Variants in ERBB2 observed in about 807,000 individuals in gnomAD.
ERBB2 encodes receptor tyrosine-protein kinase erbB-2.
A neutral mutation model predicts 149.0 loss-of-function variants in ERBB2; 61 were observed. That is an observed-to-expected ratio of 0.41 (90% CI 0.33 to 0.51). The LOEUF (loss-of-function observed/expected upper bound fraction) is 0.51, where lower values mean the gene tolerates loss of function less well. ERBB2 is among the 20% of genes least tolerant of loss of function. ERBB2 has a pLI of 0.25. For synonymous variants in ERBB2, 633 were observed against 678.8 expected (o/e 0.93, Z 1.05); for missense variants, 1,205 against 1,655.1 (o/e 0.73, Z 4.72).
chr17:39,691,928 C>CATAT (rs1459402681), upstream of ERBB2, among the ~76,000 whole-genome samples: 49 of 93,630 alleles, frequency 5.2e-4, no homozygotes, highest in African/African-American at 1.4e-3. Context: ...TATACATATA[C>CATAT]ATATACATAT....
At chr17:39,688,918 G>T (rs1190314493) in intron 2 of ERBB2, 2 of 152,328 alleles carry the variant, frequency 1.3e-5, no homozygotes, top group African/African-American at 4.8e-5. Flanking sequence ...CACTGAGATC[G>T]GAGAGAAGTA....
rs781244335 is a variant in ERBB2, at chr17:39,723,464, C to G, written c.2085+7C>G. On this transcript the variant is annotated splice_region_variant and intron_variant, in intron 17 of 26. Transcript: ENST00000269571. The surrounding 1 kb of genome is among the most constrained non-coding windows in gnomAD (Gnocchi z 6.2). ...ACTGCTGCAGGAAACGGAGGTGAGG[C>G]GGGGTGAAGTCCTCCCAGCCCGCGT... The G allele has an allele frequency of 8.1e-6, 13 of 1,613,796 alleles. No individual in the cohort carries two copies. The highest frequency in any genetic ancestry group is 1.3e-5 in the African/African-American group (1 of 74,920).
At chr17:39,709,482 C>T (rs1018706185) in intron 4 of ERBB2, 30 bp downstream of exon 4, 7 of 1,612,902 alleles carry the variant, frequency 4.3e-6, no homozygotes, top group Non-Finnish European at 5.9e-6. Flanking sequence ...GCTGCCTCTT[C>T]TCTCAGACAG....
rs2059350950 is a variant in ERBB2 at position 39,719,831 on chromosome 17, C to T, written c.1943C>T (p.Ala648Val). ...AAGGGCTGCCCCGCCGAGCAGAGAG[C>T]CAGGTTGGCCTGGACCCCAGGATGT... is the stretch of plus-strand genomic sequence containing the variant. ...DDKGCPAEQR[A>V]SPLTSIISAV... Residue 648 changes from alanine to valine, a missense_variant, in exon 16 of 27, where the codon GCC becomes GTC. Physicochemically the swap from Ala to Val is moderately conservative, Grantham distance 64. This residue lies in a region of ERBB2 where 569 missense variants were observed against 803.5 expected (regional missense o/e 0.71). Transcript: ENST00000269571. 1.9e-6 allele frequency: 3 copies of T among 1,614,090 alleles called. No individual in the cohort carries two copies. Among genetic ancestry groups the T allele is most frequent in the Middle Eastern group, 1.7e-4 (1 of 6,060 alleles).
rs180932932 is a variant in ERBB2, at chr17:39,717,637, A to G, written c.1898+157A>G. The G allele has an allele frequency of 1.3e-5, 8 of 600,522 alleles. No homozygotes were observed. In the East Asian group the frequency reaches 2.0e-4, roughly 15 times the overall value. 37.2% of individuals were successfully genotyped at this position (600,522 alleles called of 1,614,324 possible). ...TAAAATTGTAAAATTAAAACATGAA[A>G]TATAAATTAATGCCCTAGCAGTTCT... is the stretch of plus-strand genomic sequence containing the variant. On this transcript the variant is annotated intron_variant, in intron 15 of 26. Coordinates refer to ENST00000269571, the MANE Select transcript of ERBB2 (RefSeq NM_004448.4).
chr17:39,705,218 C>G (rs1014150122), intron 1 of ERBB2, among the ~76,000 whole-genome samples: 1 of 152,118 alleles, frequency 6.6e-6, no homozygotes, highest in Non-Finnish European at 1.5e-5. Flanking sequence ...TGTTGTTTTC[C>G]TATTGCCTGG....
At chr17:39,711,480 T>C (rs997000224) in intron 7 of ERBB2, among the ~76,000 whole-genome samples, 4 of 152,202 alleles carry the variant, frequency 2.6e-5, no homozygotes, top group African/African-American at 9.6e-5. Flanking sequence ...GCATGAGCCA[T>C]CGTGCCTGGC....
Position 39,723,887 on chromosome 17 carries a change from C to A in ERBB2, c.2209-25C>A, listed in dbSNP as rs1341798964. 6.3e-7 allele frequency: 1 copy of A among 1,591,250 alleles called. No homozygotes were observed. The highest frequency in any genetic ancestry group is 8.6e-7 in the Non-Finnish European group (1 of 1,159,394). On this transcript the variant is annotated intron_variant, in intron 18 of 26. Transcript: ENST00000269571. The surrounding 1 kb of genome is among the most constrained non-coding windows in gnomAD (Gnocchi z 6.2). ...TAGGATCCAGCCCACGCTCTTCTCA[C>A]TCATATCCTCCTCTTTCTGCCCAGG...
At chr17:39,699,531 T>A (rs147763459), upstream of ERBB2, 1 of 1,534,978 alleles carries the variant, frequency 6.5e-7, no homozygotes, top group East Asian at 2.4e-5. Flanking sequence ...AGATCATGCT[T>A]TTCAGATACT....
rs890002930 is a variant in ERBB2, at chr17:39,709,174, C to G, written c.440-144C>G. Reference sequence around the variant, plus strand: ...GTGTGGTGGTGGTGGGACTCAAAGACGGTAAAGATAGCTTTCTCTCCTCCC... The same window carrying G: ...GTGTGGTGGTGGTGGGACTCAAAGAGGGTAAAGATAGCTTTCTCTCCTCCC... On this transcript the variant is annotated intron_variant, in intron 3 of 26. Transcript: ENST00000269571. 3.3e-6 allele frequency: 3 copies of G among 909,852 alleles called. No homozygotes were observed. The African/African-American group carries it at 5.0e-5, about 15-fold the overall frequency. The allele number at this position is 909,852 out of a possible 1,614,324, so 56.4% of individuals were successfully genotyped here.
rs778243900 is a variant in ERBB2, at chr17:39,726,622, G to T, written c.2933G>T (p.Arg978Leu). 1 of 1,614,168 alleles carries T rather than the reference G, an allele frequency of 6.2e-7. No homozygotes were observed. The highest frequency in any genetic ancestry group is 8.5e-7 in the Non-Finnish European group (1 of 1,180,014). ...CGGGAGTTGGTGTCTGAATTCTCCC[G>T]CATGGCCAGGGACCCCCAGCGCTTT... ...RFRELVSEFS[R>L]MARDPQRFVV... Residue 978 changes from arginine (R) to leucine (L), a missense_variant, in exon 24 of 27, where the codon CGC becomes CTC. Arg to Leu is a moderately radical substitution (Grantham distance 102, BLOSUM62 -2). Coordinates refer to ENST00000269571, the MANE Select transcript of ERBB2 (RefSeq NM_004448.4). The surrounding 1 kb of genome is among the most constrained non-coding windows in gnomAD (Gnocchi z 5.1).
chr17:39,701,300 T>C (rs1440699147), intron 1 of ERBB2, among the ~76,000 whole-genome samples: 1 of 152,068 alleles, frequency 6.6e-6, no homozygotes, highest in African/African-American at 2.4e-5. Context: ...AACACCCCTA[T>C]AGTGGAAGTT....
In ERBB2 at chr17:39,708,464, G is replaced by A. The variant is rs1268972085; in HGVS notation, c.369G>A (p.Leu123=). Residue 123 remains leucine, a synonymous_variant, in exon 3 of 27, where the codon CTG becomes CTA. Coordinates refer to ENST00000269571, the MANE Select transcript of ERBB2 (RefSeq NM_004448.4). ...CCGTGCTAGACAATGGAGACCCGCT[G>A]AACAATACCACCCCTGTCACAGGGG... ...ALAVLDNGDP[L]NNTTPVTGAS... is the part of the protein sequence containing the mutation. 5.6e-6 allele frequency: 9 copies of A among 1,614,078 alleles called. No individual in the cohort carries two copies. Among genetic ancestry groups the A allele is most frequent in the African/African-American group, 5.3e-5 (4 of 74,938 alleles).
intron 1 of ERBB2, 152 bp from the exon 2 acceptor site, chr17:39,706,838 C>T (rs967253038): frequency 2.6e-5 from 15 of 585,612 alleles, no homozygotes; most frequent in Admixed American, 4.1e-5. Flanking sequence ...GCTGTTAAAC[C>T]TGCAGTGTGC....
At chr17:39,695,721 A>ACACT (rs1487715299), upstream of ERBB2, among the ~76,000 whole-genome samples, 1 of 141,928 alleles carries the variant, frequency 7.0e-6, no homozygotes, top group Non-Finnish European at 1.6e-5. Context: ...ACACACACAC[A>ACACT]CACACACACA....
In ERBB2 at chr17:39,724,710, G is replaced by A. The variant is rs749637039; in HGVS notation, c.2308-16G>A. 47 of 1,612,814 alleles carry A rather than the reference G, an allele frequency of 2.9e-5. No homozygotes were observed. The highest frequency in any genetic ancestry group is 1.8e-4 in the South Asian group (16 of 90,998). ...GTGTGGTCTCCCATACCCTCTCAGCGTACCCTTGTCCCCAGGAAGCATACG... is the reference window on the plus strand; with the variant it reads ...GTGTGGTCTCCCATACCCTCTCAGCATACCCTTGTCCCCAGGAAGCATACG... On this transcript the variant is annotated splice_polypyrimidine_tract_variant and intron_variant, in intron 19 of 26. Coordinates refer to ENST00000269571, the MANE Select transcript of ERBB2 (RefSeq NM_004448.4).
chr17:39,722,502 A>AAAAT (rs1050864051), intron 16 of ERBB2, among the ~76,000 whole-genome samples: 1 of 152,090 alleles, frequency 6.6e-6, no homozygotes, highest in African/African-American at 2.4e-5. Flanking sequence ...CCCTGTCTCA[A>AAAAT]AAATAAATAA....
chr17:39,702,466 T>A lies in ERBB2; in HGVS notation c.73+2155T>A, dbSNP rs1397518937. 2.0e-5 allele frequency among the ~76,000 whole-genome samples: 3 copies of A among 152,284 alleles called. No individual in the cohort carries two copies. In the East Asian group the frequency reaches 5.8e-4, roughly 29 times the overall value. On this transcript the variant is annotated intron_variant, in intron 1 of 26. Transcript: ENST00000269571. ...TATGGGTTTTACAAATTGCAGCAAATACATCCTTTTAATCTTGCAGAACTC... is the reference window on the plus strand; with the variant it reads ...TATGGGTTTTACAAATTGCAGCAAAAACATCCTTTTAATCTTGCAGAACTC...
chr17:39,691,415 G>A (rs886696973), upstream of ERBB2, among the ~76,000 whole-genome samples: 1 of 151,468 alleles, frequency 6.6e-6, no homozygotes, highest in Admixed American at 6.6e-5. Flanking sequence ...ATGGTGGCAC[G>A]TGCCTGTAAT....
Sources: allele counts gnomAD v4.1 joint callset (sites outside exome capture counted in the v4.1 genomes callset), GRCh38; gene constraint gnomAD v4.1.1; regional missense constraint gnomAD v4.1.1; non-coding constraint Gnocchi (gnomAD v3.1); transcripts MANE v1.5; gene names NCBI Gene and HGNC (gene_info 2026-07-23, HGNC 2026-07-21).